The following DGKB variants were observed in gnomAD, a reference collection of about 807,000 sequenced individuals.
The protein encoded by DGKB is diacylglycerol kinase beta.
DGKB carries 67 observed loss-of-function variants against 114.3 expected under a neutral mutation model. The ratio of observed to expected loss-of-function variants is 0.59; its 90% CI spans 0.48 to 0.72. The LOEUF (loss-of-function observed/expected upper bound fraction) is 0.72, where lower values mean the gene tolerates loss of function less well. Among genes scored for constraint, DGKB ranks in the 30% least tolerant of loss-of-function variants. The pLI is 0.00. For synonymous variants in DGKB, 398 were observed against 323.1 expected, an observed-to-expected ratio of 1.23 and a Z score of -2.49; for missense variants, 907 against 975.2, an observed-to-expected ratio of 0.93 and a Z score of 0.93.
chr7:14,925,871 C>CCG (rs1784721814), intron 1 of DGKB, among the ~76,000 whole-genome samples: 1 of 151,924 alleles, frequency 6.6e-6, no homozygotes, highest in African/African-American at 2.4e-5. Context: ...TGGGTCCCCC[C>CCG]CCCACTTCCA....
At position 14,239,703 on chromosome 7, in the gene DGKB, G is replaced by A. The variant is rs143272486; in HGVS notation, c.2123-61552C>T. Among the ~76,000 whole-genome samples the A allele has an allele frequency of 5.9e-5, 9 of 152,172 alleles. No individual in the cohort carries two copies. The East Asian group carries it at 1.4e-3, about 23-fold the overall frequency. On this transcript the variant is annotated intron_variant, in intron 23 of 25. Coordinates refer to ENST00000402815, the MANE Select transcript of DGKB (RefSeq NM_001350709.2). ...AATCTACACTAACTTGATACCTGGTGTGGGTCAGGAGAATCCTCACAATAT... is the reference window on the plus strand; with the variant it reads ...AATCTACACTAACTTGATACCTGGTATGGGTCAGGAGAATCCTCACAATAT...
intron 2 of DGKB, chr7:14,816,432 C>T (rs1006237312): frequency 6.6e-6 from 1 of 152,180 alleles, no homozygotes; most frequent in African/African-American, 2.4e-5. Context: ...CAACTCTTCT[C>T]CATGTTGAAT....
rs1476905043 is a variant in DGKB at position 14,543,384 on chromosome 7, G to A, written c.1770+30828C>T. ...ACCTGAACTTAGGGAGGTTGAGGCTGTGGTAAGCCATAATTGCACCACTGC... is the reference window on the plus strand; with the variant it reads ...ACCTGAACTTAGGGAGGTTGAGGCTATGGTAAGCCATAATTGCACCACTGC... On this transcript the variant is annotated intron_variant, in intron 20 of 25. Coordinates refer to ENST00000402815, the MANE Select transcript of DGKB (RefSeq NM_001350709.2). Among the ~76,000 whole-genome samples the A allele has an allele frequency of 9.2e-5, 14 of 151,978 alleles. No homozygotes were observed. The East Asian group carries it at 2.5e-3, about 27-fold the overall frequency.
At chr7:14,533,776 G>A (rs1791980155) in intron 20 of DGKB, among the ~76,000 whole-genome samples, 1 of 152,006 alleles carries the variant, frequency 6.6e-6, no homozygotes, top group Non-Finnish European at 1.5e-5. Context: ...TACATTCAAA[G>A]TACTGAAAGC....
chr7:14,648,069 G>A (rs973265994), intron 13 of DGKB, among the ~76,000 whole-genome samples: 9 of 152,322 alleles, frequency 5.9e-5, no homozygotes, highest in African/African-American at 1.9e-4. Flanking sequence ...GGCTGGGGGA[G>A]GGGCGCCCAC....
intron 20 of DGKB, among the ~76,000 whole-genome samples, chr7:14,526,789 A>G (rs144782558): frequency 6.6e-6 from 1 of 152,236 alleles, no homozygotes; most frequent in East Asian, 1.9e-4. Context: ...AAACCTCCAT[A>G]CATACAAACC....
At chr7:14,373,016 G>A (rs1817924610) in intron 21 of DGKB, among the ~76,000 whole-genome samples, 1 of 152,180 alleles carries the variant, frequency 6.6e-6, no homozygotes, top group Admixed American at 6.5e-5. Flanking sequence ...TCCATAAGGT[G>A]TTAGGAAACA....
chr7:14,561,078 T>C (rs1796590356), intron 20 of DGKB, among the ~76,000 whole-genome samples: 1 of 152,156 alleles, frequency 6.6e-6, no homozygotes, highest in South Asian at 2.1e-4. Context: ...AATCTCACCT[T>C]GAATTTTAAT....
Position 14,149,214 on chromosome 7 carries a change from C to G in DGKB, c.2329G>C (p.Ala777Pro). The change falls in exon 26 of 26, where the codon GCC becomes CCC. Residue 777 changes from alanine to proline, a missense_variant. Physicochemically the swap from Ala to Pro is conservative, Grantham distance 27 (BLOSUM62 -1). Transcript: ENST00000402815. ...CTIKITHKNQ[A>P]PMLMGPPPKT... Reference sequence around the variant, plus strand: ...GGAGGCGGGCCCATCAGCATTGGGGCTTGGTTCTTGTGTGTAATTTTTATC... The same window carrying G: ...GGAGGCGGGCCCATCAGCATTGGGGGTTGGTTCTTGTGTGTAATTTTTATC... The G allele has an allele frequency of 6.2e-7, 1 of 1,612,690 alleles. No homozygotes were observed.
At chr7:14,653,454 A>T (rs897600472) in intron 13 of DGKB, among the ~76,000 whole-genome samples, 1 of 151,370 alleles carries the variant, frequency 6.6e-6, no homozygotes, top group African/African-American at 2.4e-5. Flanking sequence ...GAATTGAACA[A>T]TGAGATCACA....
At chr7:14,472,601 G>A (rs1781583561) in intron 21 of DGKB, among the ~76,000 whole-genome samples, 1 of 152,174 alleles carries the variant, frequency 6.6e-6, no homozygotes, top group Admixed American at 6.6e-5. Context: ...TTGGAACTGG[G>A]TAACAGGCAG....
chr7:14,925,947 TG>T (rs1205489472), intron 1 of DGKB, among the ~76,000 whole-genome samples: 1 of 152,012 alleles, frequency 6.6e-6, no homozygotes, highest in Admixed American at 6.6e-5. Flanking sequence ...GATATTGTGT[TG>T]AATAAGAGTA....
At chr7:14,907,343 C>A (rs1471926669), upstream of DGKB, among the ~76,000 whole-genome samples, 2 of 152,198 alleles carry the variant, frequency 1.3e-5, no homozygotes, top group Non-Finnish European at 2.9e-5. Flanking sequence ...ACAAAACAGA[C>A]GTGCTTCAAT....
At chr7:14,916,951 TG>T (rs1180518655) in intron 1 of DGKB, among the ~76,000 whole-genome samples, 2 of 151,858 alleles carry the variant, frequency 1.3e-5, no homozygotes, top group Non-Finnish European at 2.9e-5. Flanking sequence ...TGCTCTCAAA[TG>T]GAACTACGCA....
chr7:14,401,199 T>C (rs922242623), intron 21 of DGKB, among the ~76,000 whole-genome samples: 9 of 151,954 alleles, frequency 5.9e-5, no homozygotes, highest in African/African-American at 1.4e-4. Flanking sequence ...ATGTCTTCCA[T>C]TGTGCATGGC....
At chr7:14,769,127 G>GAAAGAA (rs1253652417) in intron 2 of DGKB, among the ~76,000 whole-genome samples, 698 of 63,472 alleles carry the variant, frequency 0.011, 9 homozygotes, top group East Asian at 0.024. Flanking sequence ...GAAAGAAAGA[G>GAAAGAA]AGAGAGAGAA....
At chr7:14,613,541 G>T (rs1370323245) in intron 15 of DGKB, 128 bp from the exon 16 acceptor site, 1 of 609,490 alleles carries the variant, frequency 1.6e-6, no homozygotes, top group Non-Finnish European at 3.0e-6. Flanking sequence ...CAATGTGTGT[G>T]TGTGCATGTG....
At chr7:14,649,463 C>G (rs1014097596) in intron 13 of DGKB, among the ~76,000 whole-genome samples, 4 of 151,322 alleles carry the variant, frequency 2.6e-5, no homozygotes, top group Non-Finnish European at 5.9e-5. Flanking sequence ...TTTGTCACCA[C>G]CAGGCCTGCC....
intron 1 of DGKB, among the ~76,000 whole-genome samples, chr7:14,919,190 C>T (rs1355781301): frequency 1.3e-5 from 2 of 150,886 alleles, no homozygotes; most frequent in African/African-American, 2.5e-5. Flanking sequence ...AAAACAAAGT[C>T]GGAGGACTGA....
Sources: allele counts gnomAD v4.1 joint callset (sites outside exome capture counted in the v4.1 genomes callset), GRCh38; gene constraint gnomAD v4.1.1; transcripts MANE v1.5; gene names NCBI Gene and HGNC (gene_info 2026-07-23, HGNC 2026-07-21).